The following SH3TC1 variants were observed in gnomAD, a reference collection of about 807,000 sequenced individuals.
SH3TC1 encodes the protein SH3 domain and tetratricopeptide repeats 1.
In SH3TC1, 135 loss-of-function variants were observed where a neutral mutation model predicts 117.3. That is an observed-to-expected ratio of 1.15 (90% CI 1.00 to 1.33). SH3TC1 has a LOEUF of 1.33. Ranked by LOEUF, SH3TC1 falls within the 40% of genes most tolerant of loss-of-function variation. SH3TC1 has a pLI of 0.00. For synonymous variants in SH3TC1, 898 were observed against 816.9 expected (o/e 1.10, Z -1.69); for missense variants, 2,092 against 1,794.3 (o/e 1.17, Z -3.00).
At chr4:8,212,558 C>A in intron 3 of SH3TC1, 143 bp from the exon 4 acceptor site, 1 of 1,142,726 alleles carries the variant, frequency 8.8e-7, no homozygotes. Context: ...GATCTAAACC[C>A]GGGGCTTGGG....
upstream of SH3TC1, among the ~76,000 whole-genome samples, chr4:8,197,990 C>G (rs1717617963): frequency 6.6e-6 from 1 of 152,034 alleles, no homozygotes; most frequent in Non-Finnish European, 1.5e-5. Context: ...ACTTCACCCC[C>G]AGGGGATCAA....
rs749443030 is a variant in SH3TC1, at chr4:8,235,453, G to A, written c.3303G>A (p.Leu1101=). ...TTCAGGTGGCACAGAACGTGGCCCT[G>A]TACACAGGCGACCCCAACCTGGGGC... ...LYIQVAQNVA[L]YTGDPNLGLE... The change falls in exon 15 of 18, where the codon CTG becomes CTA. Residue 1101 remains leucine (L), a synonymous_variant. Transcript: ENST00000245105. 7 of 1,588,832 alleles carry A rather than the reference G, an allele frequency of 4.4e-6. No individual in the cohort carries two copies. Among genetic ancestry groups the A allele is most frequent in the Admixed American group, 3.5e-5 (2 of 56,584 alleles).
At chr4:8,239,658 G>C (rs968038850) in intron 17 of SH3TC1, among the ~76,000 whole-genome samples, 3 of 152,218 alleles carry the variant, frequency 2.0e-5, no homozygotes, top group African/African-American at 7.2e-5. Flanking sequence ...ATATGCTTTG[G>C]CTGGCTCCTT....
chr4:8,235,628 AG>A, intron 15 of SH3TC1, 73 bp downstream of exon 15: 1 of 1,473,432 alleles, frequency 6.8e-7, no homozygotes, highest in Non-Finnish European at 9.0e-7. Flanking sequence ...CAGGTGTGGC[AG>A]GGCAGAGCCC....
At chr4:8,208,160 A>G (rs2152980835) in intron 2 of SH3TC1, among the ~76,000 whole-genome samples, 1 of 152,268 alleles carries the variant, frequency 6.6e-6, no homozygotes, top group African/African-American at 2.4e-5. Context: ...ATTCCCTGCA[A>G]TGAGCCAGGG....
chr4:8,209,816 C>G lies in SH3TC1; in HGVS notation c.241C>G (p.Pro81Ala), dbSNP rs922916937. The G allele has an allele frequency of 6.2e-7, 1 of 1,613,360 alleles. No individual in the cohort carries two copies. Among genetic ancestry groups the G allele is most frequent in the Non-Finnish European group, 8.5e-7 (1 of 1,179,934 alleles). Residue 81 changes from proline to alanine, a missense_variant, in exon 3 of 18, where the codon CCC becomes GCC. Coordinates refer to ENST00000245105, the MANE Select transcript of SH3TC1 (RefSeq NM_018986.5). The surrounding 1 kb of genome is among the most constrained non-coding windows in gnomAD (Gnocchi z 5.9). ...GTPPCQMGVY[P>A]TDLTLQLLAV... ...CCCTCCCTGCCAGATGGGGGTTTAT[C>G]CCACAGGTAAACATCCTGGGCCCTA...
Position 8,219,337 on chromosome 4 carries a change from G to A in SH3TC1, c.919G>A (p.Val307Met), listed in dbSNP as rs1719665835. The change falls in exon 9 of 18, where the codon GTG becomes ATG. Residue 307 changes from valine to methionine, a missense_variant and splice_region_variant. Val to Met is a conservative substitution (Grantham distance 21, BLOSUM62 1). Coordinates refer to ENST00000245105, the MANE Select transcript of SH3TC1 (RefSeq NM_018986.5). ...PVMPGNPLMA[V>M]GLASALADFQ... ...CACCATGTGGCTTTCTTCCGCAGCT[G>A]TGGGCCTGGCCTCGGCATTGGCAGA... 6.3e-7 allele frequency: 1 copy of A among 1,586,666 alleles called. No homozygotes were observed. Among genetic ancestry groups the A allele is most frequent in the Non-Finnish European group, 8.6e-7 (1 of 1,162,216 alleles).
At chr4:8,226,131 A>T (rs1302629370) in intron 11 of SH3TC1, among the ~76,000 whole-genome samples, 1 of 152,206 alleles carries the variant, frequency 6.6e-6, no homozygotes, top group Non-Finnish European at 1.5e-5. Flanking sequence ...TGTGAGCTTG[A>T]AACAGAGAGT....
chr4:8,214,223 T>A (rs975137760), intron 4 of SH3TC1, among the ~76,000 whole-genome samples: 6 of 149,828 alleles, frequency 4.0e-5, no homozygotes, highest in African/African-American at 1.5e-4. Flanking sequence ...GTGTAGAGGG[T>A]GAGGAGCCAG....
At chr4:8,234,968 G>T (rs1721675780) in intron 14 of SH3TC1, among the ~76,000 whole-genome samples, 1 of 152,248 alleles carries the variant, frequency 6.6e-6, no homozygotes, top group African/African-American at 2.4e-5. Flanking sequence ...TGAAGCTTTT[G>T]TTTTTGAGCA....
intron 7 of SH3TC1, 148 bp from the exon 8 acceptor site, chr4:8,218,122 GT>G: frequency 1.8e-6 from 1 of 546,708 alleles, no homozygotes; most frequent in Non-Finnish European, 3.3e-6. Context: ...AGGCATGTGT[GT>G]GTGTGTGTGT....
chr4:8,182,605 A>G (rs1307194071), intron 1 of SH3TC1, among the ~76,000 whole-genome samples: 1 of 152,150 alleles, frequency 6.6e-6, no homozygotes, highest in Non-Finnish European at 1.5e-5. Context: ...CCAGCTTGCC[A>G]CTGAGTGATT....
chr4:8,208,369 C>CTTTTTTTTTT (rs151217437), intron 2 of SH3TC1, among the ~76,000 whole-genome samples: 8 of 140,726 alleles, frequency 5.7e-5, no homozygotes, highest in African/African-American at 7.8e-5. Context: ...ACATTTCTTT[C>CTTTTTTTTTT]TTTTTTTTTA....
Position 8,227,462 on chromosome 4 carries a change from C to G in SH3TC1, c.1768C>G (p.Leu590Val). 6.4e-7 allele frequency: 1 copy of G among 1,565,558 alleles called. No homozygotes were observed. The highest frequency in any genetic ancestry group is 8.6e-7 in the Non-Finnish European group (1 of 1,160,810). The change falls in exon 12 of 18, where the codon CTG (leucine) becomes GTG (valine). Residue 590 changes from leucine to valine, a missense_variant. Coordinates refer to ENST00000245105, the MANE Select transcript of SH3TC1 (RefSeq NM_018986.5). ...GTACTTTGAGGAAGCGCTGGGGGCC[C>G]TGGAGGGCAGCTTCGGGGACCTGTT... ...RVYFEEALGA[L>V]EGSFGDLFLV...
In SH3TC1 at chr4:8,217,059, C is replaced by T. The variant is rs776771586; in HGVS notation, c.731C>T (p.Pro244Leu). 13 of 1,613,104 alleles carry T rather than the reference C, an allele frequency of 8.1e-6. No homozygotes were observed. The South Asian group carries it at 1.4e-4, about 18-fold the overall frequency. ...GCCCTCAGGCAGGCTTCGGGGGCAC[C>T]CCAGGGAGAGGCGGCCCCGGAAACA... ...PQALRQASGA[P>L]QGEAAPETDS... Residue 244 changes from proline (P) to leucine (L), a missense_variant, in exon 7 of 18, where the codon CCC becomes CTC. By Grantham distance (98) the Pro-to-Leu change is moderately conservative. Coordinates refer to ENST00000245105, the MANE Select transcript of SH3TC1 (RefSeq NM_018986.5).
At chr4:8,222,687 T>TGTC (rs75632945) in intron 9 of SH3TC1, among the ~76,000 whole-genome samples, 153 bp from the exon 10 acceptor site, 149,297 of 152,072 alleles carry the variant, frequency 0.98, 73,338 homozygotes, top group East Asian at 1. Context: ...TTGTTGTTGT[T>TGTC]GTTGTTGTTT....
chr4:8,206,970 C>T lies in SH3TC1; in HGVS notation c.172+1604C>T, dbSNP rs573964820. On this transcript the variant is annotated intron_variant, in intron 2 of 17. Transcript: ENST00000245105. This position sits in a 1 kb window ranked among gnomAD's most constrained non-coding sequence, Gnocchi z 5.5. Reference sequence around the variant, plus strand: ...AAACCAGTACATTCTCTTATATAACCGCATTGTAATTATTTCAATGTTAAT... The same window carrying T: ...AAACCAGTACATTCTCTTATATAACTGCATTGTAATTATTTCAATGTTAAT... Among the ~76,000 whole-genome samples the T allele has an allele frequency of 7.3e-5, 11 of 151,686 alleles. No individual in the cohort carries two copies. The highest frequency in any genetic ancestry group is 3.9e-4 in the Admixed American group (6 of 15,218).
At chr4:8,213,056 C>T (rs2152984014) in intron 4 of SH3TC1, 1 of 556,462 alleles carries the variant, frequency 1.8e-6, no homozygotes, top group East Asian at 3.3e-5. Flanking sequence ...CTCTGCTCTC[C>T]CACAGCCCCA....
At chr4:8,208,013 G>T (rs1198947339) in intron 2 of SH3TC1, among the ~76,000 whole-genome samples, 1 of 152,194 alleles carries the variant, frequency 6.6e-6, no homozygotes, top group Non-Finnish European at 1.5e-5. Flanking sequence ...GTTCAGCAGT[G>T]GCGGGCTGGA....
Sources: allele counts gnomAD v4.1 joint callset (sites outside exome capture counted in the v4.1 genomes callset), GRCh38; gene constraint gnomAD v4.1.1; non-coding constraint Gnocchi (gnomAD v3.1); transcripts MANE v1.5; gene names NCBI Gene and HGNC (gene_info 2026-07-23, HGNC 2026-07-21).